The following NSFL1C variants were observed in gnomAD, a reference collection of about 807,000 sequenced individuals.
NSFL1C encodes NSFL1 cofactor.
In NSFL1C, 14 loss-of-function variants were observed where a neutral mutation model predicts 43.1. That is an observed-to-expected ratio of 0.32 (90% CI 0.21 to 0.51). The LOEUF (loss-of-function observed/expected upper bound fraction) is 0.51, where lower values mean the gene tolerates loss of function less well. NSFL1C is among the 20% of genes least tolerant of loss of function. NSFL1C has a pLI of 0.98. For synonymous variants in NSFL1C, 171 were observed against 183.5 expected, an observed-to-expected ratio of 0.93 and a Z score of 0.55; for missense variants, 406 against 472.5, an observed-to-expected ratio of 0.86 and a Z score of 1.30.
chr20:1,452,749 A>T, intron 6 of NSFL1C, 119 bp from the exon 7 acceptor site: 1 of 1,263,700 alleles, frequency 7.9e-7, no homozygotes, highest in Non-Finnish European at 1.1e-6. Flanking sequence ...CTCCAAAGGG[A>T]GCAGGCTACT....
intron 7 of NSFL1C, among the ~76,000 whole-genome samples, chr20:1,448,403 G>T (rs367566220): frequency 6.6e-6 from 1 of 152,200 alleles, no homozygotes; most frequent in Non-Finnish European, 1.5e-5. Flanking sequence ...AGGATGAGAC[G>T]AGATAATGTG....
chr20:1,452,138 C>T (rs1175894355), intron 7 of NSFL1C, among the ~76,000 whole-genome samples: 2 of 152,232 alleles, frequency 1.3e-5, no homozygotes, highest in African/African-American at 4.8e-5. Flanking sequence ...CAATTACGTA[C>T]ACTTTCTGCT....
intron 2 of NSFL1C, chr20:1,463,997 C>T (rs1432697134): frequency 1.1e-5 from 3 of 271,248 alleles, no homozygotes; most frequent in Non-Finnish European, 1.4e-5. Flanking sequence ...CCTAAACTTT[C>T]ACATCTATAG....
At chr20:1,446,684 T>C (rs1022793037) in intron 7 of NSFL1C, among the ~76,000 whole-genome samples, 2 of 150,536 alleles carry the variant, frequency 1.3e-5, no homozygotes, top group African/African-American at 4.8e-5. Context: ...AAAATGCACA[T>C]AGGACTCCCA....
chr20:1,466,337 C>T (rs1289778401), intron 1 of NSFL1C, among the ~76,000 whole-genome samples: 1 of 152,252 alleles, frequency 6.6e-6, no homozygotes, highest in Non-Finnish European at 1.5e-5. Context: ...AAATGAGCGG[C>T]CACCTAGTCC....
chr20:1,442,641 C>A lies in NSFL1C; in HGVS notation c.*1108G>T, dbSNP rs1320319907. The A allele has an allele frequency of 6.6e-6, 1 of 152,136 alleles. No individual in the cohort carries two copies. Among genetic ancestry groups the A allele is most frequent in the African/African-American group, 2.4e-5 (1 of 41,368 alleles). 9.4% of individuals were successfully genotyped at this position (152,136 alleles called of 1,614,324 possible). On this transcript the variant is annotated 3_prime_UTR_variant, in exon 9 of 9. Coordinates refer to ENST00000216879, the MANE Select transcript of NSFL1C (RefSeq NM_016143.5). ...GGGGTGGTGGAGGGTCTTTACCAGG[C>A]TAGGACTACTGCCTATGTTTCTGCA...
chr20:1,455,418 AC>A (rs1343265602), intron 3 of NSFL1C, among the ~76,000 whole-genome samples: 1 of 152,166 alleles, frequency 6.6e-6, no homozygotes, highest in Non-Finnish European at 1.5e-5. Flanking sequence ...AGGTGAACAA[AC>A]TGGGGAAAGG....
Position 1,452,462 on chromosome 20 carries a change from G to A in NSFL1C, c.785+31C>T, listed in dbSNP as rs111955883. ...CTGGGCTTGGCAGGTGTGATTGACAGAGTCTGGCTCTAACCTGTGCTGCCC... is the reference window on the plus strand; with the variant it reads ...CTGGGCTTGGCAGGTGTGATTGACAAAGTCTGGCTCTAACCTGTGCTGCCC... On this transcript the variant is annotated intron_variant, in intron 7 of 8. Coordinates refer to ENST00000216879, the MANE Select transcript of NSFL1C (RefSeq NM_016143.5). 1,771 of 1,609,978 alleles carry A rather than the reference G, an allele frequency of 1.1e-3. 11 individuals are homozygous for A. In the African/African-American group the frequency reaches 0.016, roughly 14 times the overall value.
Position 1,452,591 on chromosome 20 carries a change from T to C in NSFL1C, c.687A>G (p.Gly229=). ...GGTCCTCCATATCCAAGTTCACCTG[T>C]CCACCGTGAGCTAGCCTCCGAAGCT... ...PAELRRLAHG[G]QVNLDMEDHR... Residue 229 remains glycine (G), a synonymous_variant, in exon 7 of 9, where the codon GGA becomes GGG. Coordinates refer to ENST00000216879, the MANE Select transcript of NSFL1C (RefSeq NM_016143.5). 6.2e-7 allele frequency: 1 copy of C among 1,614,160 alleles called. No homozygotes were observed. Among genetic ancestry groups the C allele is most frequent in the African/African-American group, 1.3e-5 (1 of 75,026 alleles).
intron 7 of NSFL1C, among the ~76,000 whole-genome samples, chr20:1,446,807 C>A (rs1196013812): frequency 1.3e-5 from 2 of 152,130 alleles, no homozygotes; most frequent in East Asian, 3.9e-4. Flanking sequence ...AGAAGAAAGG[C>A]CACTAGATGA....
In NSFL1C at chr20:1,453,030, C is replaced by T. The variant is rs1568620086; in HGVS notation, c.647+1G>A. 6.3e-7 allele frequency: 1 copy of T among 1,582,760 alleles called. No homozygotes were observed. Among genetic ancestry groups the T allele is most frequent in the Admixed American group, 1.7e-5 (1 of 59,964 alleles). Reference sequence around the variant, plus strand: ...ACCTACAGGAGGGCTTTTTCACTCACCCTCTGCGGATAGACTCCAGAAACT... The same window carrying T: ...ACCTACAGGAGGGCTTTTTCACTCATCCTCTGCGGATAGACTCCAGAAACT... On this transcript the variant is annotated splice_donor_variant, in intron 6 of 8. Coordinates refer to ENST00000216879, the MANE Select transcript of NSFL1C (RefSeq NM_016143.5). LOFTEE classifies it high-confidence loss of function.
intron 2 of NSFL1C, 118 bp downstream of exon 2, chr20:1,464,211 G>A: frequency 1.2e-6 from 1 of 817,272 alleles, no homozygotes; most frequent in Middle Eastern, 3.5e-4. Flanking sequence ...CATTGACTCA[G>A]TCTAACCTTC....
At position 1,447,905 on chromosome 20, in the gene NSFL1C, G is replaced by A. The variant is rs537673158; in HGVS notation, c.786-2075C>T. Reference sequence around the variant, plus strand: ...AGGGGTGTATCTCCATTTTATAGATGAGAAAACACACACACACGCTATGGA... The same window carrying A: ...AGGGGTGTATCTCCATTTTATAGATAAGAAAACACACACACACGCTATGGA... On this transcript the variant is annotated intron_variant, in intron 7 of 8. Coordinates refer to ENST00000216879, the MANE Select transcript of NSFL1C (RefSeq NM_016143.5). Among the ~76,000 whole-genome samples the A allele has an allele frequency of 6.8e-4, 103 of 152,206 alleles. 1 individual carries two copies. The highest frequency in any genetic ancestry group is 2.1e-3 in the African/African-American group (88 of 41,502).
In NSFL1C at chr20:1,464,366, C is replaced by T. The variant is rs1159681598; in HGVS notation, c.166G>A (p.Ala56Thr). Residue 56 changes from alanine to threonine, a missense_variant, in exon 2 of 9, where the codon GCA becomes ACA. By Grantham distance (58) the Ala-to-Thr change is moderately conservative. Transcript: ENST00000216879. ...GDEDIVTISQ[A>T]TPSSVSRGTA... ...CCTCTGGACACTGAACTGGGGGTTG[C>T]CTGCGAAATGGTCACAATGTCTTCA... 1 of 1,614,120 alleles carries T rather than the reference C, an allele frequency of 6.2e-7. No individual in the cohort carries two copies. The highest frequency in any genetic ancestry group is 1.3e-5 in the African/African-American group (1 of 74,936).
rs550437220 is a variant in NSFL1C at position 1,447,798 on chromosome 20, T to C, written c.786-1968A>G. ...GGGAGCAGAAAAAACAGGAGTGACATTTACACCGACTCTGTGCAGGTATTG... is the reference window on the plus strand; with the variant it reads ...GGGAGCAGAAAAAACAGGAGTGACACTTACACCGACTCTGTGCAGGTATTG... On this transcript the variant is annotated intron_variant, in intron 7 of 8. Coordinates refer to ENST00000216879, the MANE Select transcript of NSFL1C (RefSeq NM_016143.5). Among the ~76,000 whole-genome samples the C allele has an allele frequency of 1.6e-4, 21 of 130,182 alleles. 1 individual carries two copies. The highest frequency in any genetic ancestry group is 5.6e-4 in the African/African-American group (21 of 37,510). 85.4% of individuals were successfully genotyped at this position (130,182 alleles called of 152,430 possible).
At chr20:1,448,344 C>G (rs1045102564) in intron 7 of NSFL1C, among the ~76,000 whole-genome samples, 2 of 152,182 alleles carry the variant, frequency 1.3e-5, no homozygotes, top group African/African-American at 4.8e-5. Context: ...TCACAACTTC[C>G]CAGGGCTTCA....
intron 7 of NSFL1C, among the ~76,000 whole-genome samples, chr20:1,451,326 A>T (rs1302384053): frequency 6.6e-6 from 1 of 152,244 alleles, no homozygotes; most frequent in Non-Finnish European, 1.5e-5. Context: ...GGAGAGGGCC[A>T]GCCAGAAGCT....
intron 2 of NSFL1C, among the ~76,000 whole-genome samples, chr20:1,460,930 G>A (rs1033209154): frequency 6.6e-6 from 1 of 152,210 alleles, no homozygotes; most frequent in Non-Finnish European, 1.5e-5. Context: ...GCATACAGGG[G>A]TGGGAGGTGC....
chr20:1,455,211 C>T (rs1442964944), intron 3 of NSFL1C, 79 bp from the exon 4 acceptor site: 9 of 1,499,438 alleles, frequency 6.0e-6, no homozygotes, highest in Non-Finnish European at 8.4e-6. Flanking sequence ...GTGCTGGGCA[C>T]ACTGAGGCAA....
Sources: allele counts gnomAD v4.1 joint callset (sites outside exome capture counted in the v4.1 genomes callset), GRCh38; gene constraint gnomAD v4.1.1; transcripts MANE v1.5; gene names NCBI Gene and HGNC (gene_info 2026-07-23, HGNC 2026-07-21).